TENM3: variants seen among roughly 807,000 people sequenced by gnomAD.
The protein encoded by TENM3 is teneurin-3.
TENM3 carries 63 observed loss-of-function variants against 255.1 expected under a neutral mutation model. The ratio of observed to expected loss-of-function variants is 0.25; its 90% CI spans 0.20 to 0.30. The LOEUF (loss-of-function observed/expected upper bound fraction) is 0.30. Among genes scored for constraint, TENM3 ranks in the 10% least tolerant of loss-of-function variants. The pLI is 1.00. For missense variants in TENM3, 2,929 were observed against 3,461.1 expected (o/e 0.85, Z 3.86); for synonymous variants, 1,306 against 1,322.3 (o/e 0.99, Z 0.27).
At chr4:181,733,412 T>G in the TENM3 span, among the ~76,000 whole-genome samples, 3 of 152,218 alleles carry the variant, frequency 2.0e-5, no homozygotes, top group Non-Finnish European at 4.4e-5. Context: ...TAGAAACTAA[T>G]GTCATTTTTC....
At chr4:181,477,063 A>AATTCATTC in the TENM3 span, among the ~76,000 whole-genome samples, 11 of 150,270 alleles carry the variant, frequency 7.3e-5, no homozygotes, top group African/African-American at 2.7e-4. Flanking sequence ...AGGAAAACCC[A>AATTCATTC]ATTCATTCAT....
intron 11 of TENM3, 39 bp from the exon 12 acceptor site, chr4:182,688,127 C>T: frequency 6.7e-7 from 1 of 1,501,712 alleles, no homozygotes; most frequent in Non-Finnish European, 9.0e-7. Context: ...TCTCCCGCCA[C>T]TCTTCTCTCC....
the TENM3 span, among the ~76,000 whole-genome samples, chr4:181,686,412 G>A: frequency 6.6e-6 from 1 of 152,086 alleles, no homozygotes; most frequent in Non-Finnish European, 1.5e-5. Context: ...TTCCCTCAGT[G>A]AGAAGAACTA....
chr4:182,444,969 G>A (rs145602927), intron 3 of TENM3, among the ~76,000 whole-genome samples: 21 of 152,150 alleles, frequency 1.4e-4, no homozygotes, highest in Admixed American at 9.8e-4. Context: ...CAACACACCC[G>A]GCTAATTTTT....
chr4:181,643,805 G>A, the TENM3 span, among the ~76,000 whole-genome samples: 2 of 152,120 alleles, frequency 1.3e-5, no homozygotes, highest in Non-Finnish European at 2.9e-5. Context: ...GGGCTGGTGT[G>A]GTGGCTCACA....
chr4:182,159,483 T>C (rs945370854), intron 1 of TENM3, among the ~76,000 whole-genome samples: 2 of 138,644 alleles, frequency 1.4e-5, no homozygotes, highest in African/African-American at 2.6e-5. Context: ...TGTGTGTGTG[T>C]GTATCAGGAT....
the TENM3 span, among the ~76,000 whole-genome samples, chr4:181,484,185 A>G: frequency 6.6e-6 from 1 of 152,216 alleles, no homozygotes; most frequent in Non-Finnish European, 1.5e-5. Flanking sequence ...GCTTTAACAT[A>G]ACAATACAGC....
At chr4:182,250,129 T>C (rs1304985973) in intron 1 of TENM3, among the ~76,000 whole-genome samples, 1 of 150,014 alleles carries the variant, frequency 6.7e-6, no homozygotes, top group Admixed American at 6.7e-5. Context: ...CTGGGCTCAC[T>C]GCAAGCTCTG....
chr4:181,839,185 T>C, the TENM3 span, among the ~76,000 whole-genome samples: 1 of 149,992 alleles, frequency 6.7e-6, no homozygotes, highest in East Asian at 1.9e-4. Flanking sequence ...TCTACTATCA[T>C]TTTTATTATT....
chr4:182,671,763 C>G (rs143633497), intron 6 of TENM3, among the ~76,000 whole-genome samples: 116 of 152,308 alleles, frequency 7.6e-4, no homozygotes, highest in African/African-American at 2.6e-3. Flanking sequence ...AAGCCTGTCT[C>G]CCTTATCACT....
At chr4:181,792,452 T>C in the TENM3 span, among the ~76,000 whole-genome samples, 1 of 152,142 alleles carries the variant, frequency 6.6e-6, no homozygotes, top group South Asian at 2.1e-4. Flanking sequence ...GAAAAGAAGA[T>C]AAAAACGTAA....
chr4:181,926,702 A>G, the TENM3 span, among the ~76,000 whole-genome samples: 1 of 152,116 alleles, frequency 6.6e-6, no homozygotes, highest in Non-Finnish European at 1.5e-5. Context: ...ATCAAAAGAT[A>G]TGGTCCTGGT....
At chr4:182,458,694 A>G (rs917059939) in intron 3 of TENM3, among the ~76,000 whole-genome samples, 1 of 152,188 alleles carries the variant, frequency 6.6e-6, no homozygotes, top group South Asian at 2.1e-4. Flanking sequence ...TACATTTGCT[A>G]CTGGGTTAGT....
At chr4:181,972,360 A>G in the TENM3 span, among the ~76,000 whole-genome samples, 2 of 150,004 alleles carry the variant, frequency 1.3e-5, no homozygotes, top group African/African-American at 4.9e-5. Context: ...TCAAGGCTGC[A>G]GTGCAGTCAA....
chr4:181,476,794 T>C, the TENM3 span, among the ~76,000 whole-genome samples: 5 of 152,132 alleles, frequency 3.3e-5, no homozygotes, highest in African/African-American at 9.7e-5. Flanking sequence ...TCCATCCACA[T>C]AAAGGAGAGG....
the TENM3 span, among the ~76,000 whole-genome samples, chr4:181,549,134 G>A: frequency 2.0e-5 from 3 of 151,952 alleles, no homozygotes; most frequent in East Asian, 1.9e-4. Flanking sequence ...CTTCATCTCC[G>A]CCCTCACCCC....
the TENM3 span, among the ~76,000 whole-genome samples, chr4:182,060,937 C>A: frequency 6.6e-6 from 1 of 152,290 alleles, no homozygotes; most frequent in Non-Finnish European, 1.5e-5. Context: ...TTGAAACTTA[C>A]TTGTTAGCTC....
chr4:182,124,198 C>T, the TENM3 span, among the ~76,000 whole-genome samples: 1 of 152,046 alleles, frequency 6.6e-6, no homozygotes, highest in African/African-American at 2.4e-5. Flanking sequence ...ACTACAGGCA[C>T]GTGCCACCAT....
the TENM3 span, among the ~76,000 whole-genome samples, chr4:181,454,890 T>G: frequency 6.6e-6 from 1 of 151,966 alleles, no homozygotes; most frequent in Non-Finnish European, 1.5e-5. Flanking sequence ...ATTAAAGGTT[T>G]GTTTAAGTAC....
Sources: allele counts gnomAD v4.1 joint callset (sites outside exome capture counted in the v4.1 genomes callset), GRCh38; gene constraint gnomAD v4.1.1; transcripts MANE v1.5; gene names NCBI Gene and HGNC (gene_info 2026-07-23, HGNC 2026-07-21).